Variants in ULK4 observed in about 807,000 individuals in gnomAD.
ULK4 encodes inactive serine/threonine-protein kinase ULK4.
ULK4 carries 133 observed loss-of-function variants against 160.6 expected under a neutral mutation model. That is an observed-to-expected ratio of 0.83 (90% CI 0.72 to 0.96). ULK4 has a LOEUF of 0.96. Ranked by LOEUF, ULK4 falls within the 40% of genes least tolerant of loss-of-function variation. The probability of loss-of-function intolerance (pLI) is 0.00; values close to 1 mark genes in which losing one functional copy is unlikely to be tolerated. For synonymous variants in ULK4, 534 were observed against 539.8 expected (o/e 0.99, Z 0.15); for missense variants, 1,580 against 1,499.5 (o/e 1.05, Z -0.89).
chr3:41,673,636 A>G (rs1373738875), intron 29 of ULK4, among the ~76,000 whole-genome samples: 1 of 152,158 alleles, frequency 6.6e-6, no homozygotes, highest in Non-Finnish European at 1.5e-5. Context: ...AAGCACATTT[A>G]TATCAGCATG....
Position 41,938,280 on chromosome 3 carries a change from G to A in ULK4, c.139-83C>T, listed in dbSNP as rs1218541775. 4 of 982,456 alleles carry A rather than the reference G, an allele frequency of 4.1e-6. No individual in the cohort carries two copies. The African/African-American group carries it at 6.5e-5, about 16-fold the overall frequency. The allele number at this position is 982,456 out of a possible 1,614,324, so 60.9% of individuals were successfully genotyped here. On this transcript the variant is annotated intron_variant, in intron 2 of 36. Transcript: ENST00000301831. ...TGAGAAAAACCTAAATATACAATTGGTAAATGGATAAGAAAATGGTGACAT... is the reference window on the plus strand; with the variant it reads ...TGAGAAAAACCTAAATATACAATTGATAAATGGATAAGAAAATGGTGACAT...
intron 21 of ULK4, among the ~76,000 whole-genome samples, chr3:41,775,407 T>A (rs2039571861): frequency 6.7e-6 from 1 of 149,684 alleles, no homozygotes; most frequent in Non-Finnish European, 1.5e-5. Flanking sequence ...TCCTTTTTTT[T>A]TTTTTTATGG....
chr3:41,954,059 C>CT (rs1158332999), intron 2 of ULK4, among the ~76,000 whole-genome samples: 14 of 151,350 alleles, frequency 9.3e-5, no homozygotes, highest in Non-Finnish European at 1.3e-4. Flanking sequence ...TCGGGCACCA[C>CT]TACAGCTACT....
At chr3:41,286,497 G>T (rs1405724072) in intron 35 of ULK4, among the ~76,000 whole-genome samples, 2 of 152,190 alleles carry the variant, frequency 1.3e-5, no homozygotes, top group Non-Finnish European at 2.9e-5. Flanking sequence ...GCTGAGGCTA[G>T]GACAACCAGC....
chr3:41,647,370 T>C (rs796742320), intron 30 of ULK4, among the ~76,000 whole-genome samples: 1 of 152,162 alleles, frequency 6.6e-6, no homozygotes, highest in South Asian at 2.1e-4. Context: ...GATGGGTTTT[T>C]GGTGTGGATG....
chr3:41,610,284 T>C (rs962435806), intron 31 of ULK4, among the ~76,000 whole-genome samples: 1 of 152,120 alleles, frequency 6.6e-6, no homozygotes, highest in African/African-American at 2.4e-5. Context: ...CCCAAAGTGC[T>C]GGAATTACAC....
chr3:41,506,764 T>TTAAAAAAAAAAAAAAA (rs1553684746), intron 32 of ULK4, among the ~76,000 whole-genome samples: 5 of 19,924 alleles, frequency 2.5e-4, no homozygotes, highest in Non-Finnish European at 2.7e-4. Flanking sequence ...GAGTGTGATT[T>TTAAAAAAAAAAAAAAA]AAAATATATA....
At chr3:41,695,123 A>T (rs1322529294) in intron 27 of ULK4, among the ~76,000 whole-genome samples, 3 of 152,086 alleles carry the variant, frequency 2.0e-5, no homozygotes, top group Non-Finnish European at 4.4e-5. Context: ...GGCCAAACCA[A>T]CTCCCTCAAG....
chr3:41,680,303 A>G (rs2035879818), intron 29 of ULK4, among the ~76,000 whole-genome samples: 1 of 152,216 alleles, frequency 6.6e-6, no homozygotes, highest in African/African-American at 2.4e-5. Flanking sequence ...TTGGGCATTA[A>G]AAGTATTCTT....
intron 5 of ULK4, among the ~76,000 whole-genome samples, chr3:41,922,035 C>T (rs1009366642): frequency 6.6e-6 from 1 of 152,084 alleles, no homozygotes; most frequent in Non-Finnish European, 1.5e-5. Context: ...TGCCTGTAAT[C>T]CCAGCTACTC....
intron 17 of ULK4, among the ~76,000 whole-genome samples, chr3:41,862,616 G>A (rs536405999): frequency 1.3e-5 from 2 of 152,100 alleles, no homozygotes; most frequent in Admixed American, 1.3e-4. Context: ...GGGGCACCCC[G>A]TGCCCAGTAA....
intron 35 of ULK4, among the ~76,000 whole-genome samples, chr3:41,369,718 C>T (rs1466138716): frequency 2.0e-5 from 3 of 149,398 alleles, no homozygotes; most frequent in Admixed American, 6.7e-5. Flanking sequence ...CCCTTGAACT[C>T]GGGAGGCAGA....
intron 30 of ULK4, among the ~76,000 whole-genome samples, chr3:41,647,916 C>T (rs556739581): frequency 6.6e-6 from 1 of 152,360 alleles, no homozygotes; most frequent in Admixed American, 6.5e-5. Flanking sequence ...GCCCCTCCCC[C>T]AGCCTCGCTG....
intron 32 of ULK4, 78 bp from the exon 33 acceptor site, chr3:41,463,331 T>G: frequency 7.2e-7 from 1 of 1,396,758 alleles, no homozygotes; most frequent in South Asian, 1.3e-5. Context: ...AAGAGAGGCA[T>G]TCTGGCTCTA....
Position 41,566,043 on chromosome 3 carries a change from C to G in ULK4, c.3208G>C (p.Glu1070Gln). The change falls in exon 32 of 37, where the codon GAA becomes CAA. Residue 1070 changes from glutamate (E) to glutamine (Q), a missense_variant. By Grantham distance (29) the Glu-to-Gln change is conservative (BLOSUM62 2). Coordinates refer to ENST00000301831, the MANE Select transcript of ULK4 (RefSeq NM_017886.4). Reference protein sequence around the residue: ...NLVACKDSNMELLYEQGLVSH... With the variant: ...NLVACKDSNMQLLYEQGLVSH... ...CATTTACCTTGTTCATAAAGTAGTT[C>G]CATATTCGAATCTTTGCAGGCAACT... The G allele has an allele frequency of 6.2e-7, 1 of 1,613,500 alleles. No individual in the cohort carries two copies.
chr3:41,727,884 A>G (rs568208748), intron 22 of ULK4, among the ~76,000 whole-genome samples: 2 of 152,304 alleles, frequency 1.3e-5, no homozygotes, highest in South Asian at 4.1e-4. Flanking sequence ...GTGTTAATTG[A>G]TGAGATTATG....
intron 19 of ULK4, among the ~76,000 whole-genome samples, chr3:41,808,049 C>G (rs545570669): frequency 1.3e-5 from 2 of 152,104 alleles, no homozygotes; most frequent in African/African-American, 4.8e-5. Flanking sequence ...GACAGGTACC[C>G]TACTTGGAGA....
chr3:41,384,880 C>T (rs1328024297), intron 35 of ULK4, among the ~76,000 whole-genome samples: 1 of 152,112 alleles, frequency 6.6e-6, no homozygotes, highest in African/African-American at 2.4e-5. Context: ...CCACTGCACC[C>T]AGCTTTTATT....
At chr3:41,804,184 G>C (rs1043020631) in intron 19 of ULK4, among the ~76,000 whole-genome samples, 1 of 151,632 alleles carries the variant, frequency 6.6e-6, no homozygotes, top group Non-Finnish European at 1.5e-5. Context: ...CATTCTAACT[G>C]GTGTGAGATG....
Sources: allele counts gnomAD v4.1 joint callset (sites outside exome capture counted in the v4.1 genomes callset), GRCh38; gene constraint gnomAD v4.1.1; transcripts MANE v1.5; gene names NCBI Gene and HGNC (gene_info 2026-07-23, HGNC 2026-07-21).